Variants in FANCB observed in about 807,000 individuals in gnomAD.
FANCB encodes Fanconi anemia group B protein.
FANCB carries 5 observed loss-of-function variants against 38.9 expected under a neutral mutation model. The ratio of observed to expected loss-of-function variants is 0.13; its 90% confidence interval spans 0.07 to 0.27. FANCB has a LOEUF of 0.27. FANCB is among the 10% of genes least tolerant of loss of function. The pLI, the probability that FANCB is intolerant of heterozygous loss-of-function variation, is 1.00. For missense variants in FANCB, 573 were observed against 602.7 expected (o/e 0.95, Z 0.52); for synonymous variants, 236 against 215.4 (o/e 1.10, Z -0.84).
At chrX:14,741,350 C>A in the FANCB span, among the ~76,000 whole-genome samples, 5 of 111,569 alleles carry the variant, frequency 4.5e-5, no homozygotes, top group Non-Finnish European at 9.4e-5. Context: ...TGGATTGAGT[C>A]ACTGTAGTTT....
At chrX:14,718,986 T>C in the FANCB span, among the ~76,000 whole-genome samples, 1 of 111,819 alleles carries the variant, frequency 8.9e-6, no homozygotes, top group Non-Finnish European at 1.9e-5. Context: ...ACCATGTGAA[T>C]GGGACATATT....
chrX:14,768,506 A>T, the FANCB span, among the ~76,000 whole-genome samples: 1 of 111,878 alleles, frequency 8.9e-6, no homozygotes, highest in Admixed American at 9.5e-5. Flanking sequence ...TTGCACATTG[A>T]CTTTATATCT....
At chrX:14,797,691 AAGAG>A in the FANCB span, among the ~76,000 whole-genome samples, 96 of 103,320 alleles carry the variant, frequency 9.3e-4, no homozygotes, top group East Asian at 3.3e-3. Flanking sequence ...AAAAAAAAAA[AAGAG>A]AGAGAGAGAG....
chrX:14,852,187 A>G (rs1256560556), intron 6 of FANCB, among the ~76,000 whole-genome samples: 4 of 100,189 alleles, frequency 4.0e-5, no homozygotes, highest in African/African-American at 1.5e-4. Context: ...TTTTTTTTTG[A>G]GACGGAGTTT....
the FANCB span, among the ~76,000 whole-genome samples, chrX:14,695,205 C>T: frequency 9.0e-6 from 1 of 111,082 alleles, no homozygotes; most frequent in Non-Finnish European, 1.9e-5. Flanking sequence ...TTTAGAAAGC[C>T]TATCTAGAGT....
chrX:14,711,927 T>C, the FANCB span, among the ~76,000 whole-genome samples: 2 of 112,728 alleles, frequency 1.8e-5, no homozygotes, highest in African/African-American at 6.4e-5. Flanking sequence ...TTATTTAAGC[T>C]ACTATGAGTG....
intron 9 of FANCB, among the ~76,000 whole-genome samples, chrX:14,844,264 G>GT (rs1265473521): frequency 1.3e-4 from 14 of 110,706 alleles, no homozygotes; most frequent in South Asian, 7.7e-4. Context: ...TGGAGGAGAG[G>GT]TAACGGGAAA....
the FANCB span, among the ~76,000 whole-genome samples, chrX:14,708,649 A>C: frequency 8.9e-6 from 1 of 111,823 alleles, no homozygotes; most frequent in Non-Finnish European, 1.9e-5. Context: ...GAAAAGAGAG[A>C]CATCAGGCCA....
At chrX:14,828,687 A>G in the FANCB span, among the ~76,000 whole-genome samples, 1 of 111,363 alleles carries the variant, frequency 9.0e-6, no homozygotes, top group Non-Finnish European at 1.9e-5. Flanking sequence ...GCTGGAGTCA[A>G]CTTTTCCCAA....
chrX:14,753,223 C>A, the FANCB span, among the ~76,000 whole-genome samples: 1 of 111,496 alleles, frequency 9.0e-6, no homozygotes, highest in East Asian at 2.8e-4. Flanking sequence ...CAGCAATGTC[C>A]TTTAAAGCAT....
the FANCB span, among the ~76,000 whole-genome samples, chrX:14,710,188 G>A: frequency 2.7e-5 from 3 of 111,925 alleles, no homozygotes; most frequent in Admixed American, 9.5e-5. Context: ...TAGTGATTGA[G>A]TTCTCAGTTC....
At chrX:14,796,661 T>TACAC in the FANCB span, among the ~76,000 whole-genome samples, 299 of 87,530 alleles carry the variant, frequency 3.4e-3, 1 homozygote, top group East Asian at 9.2e-3. Flanking sequence ...AGTGCATATA[T>TACAC]ACACACACAC....
the FANCB span, among the ~76,000 whole-genome samples, chrX:14,821,318 G>A: frequency 1.8e-5 from 2 of 111,791 alleles, no homozygotes; most frequent in African/African-American, 6.5e-5. Context: ...CAGTTCAGTA[G>A]TGGATTATGT....
the FANCB span, among the ~76,000 whole-genome samples, chrX:14,761,797 T>C: frequency 9.0e-6 from 1 of 111,462 alleles, no homozygotes. Flanking sequence ...AGAAAAGTGA[T>C]CATAATTTTG....
At chrX:14,764,610 A>C in the FANCB span, among the ~76,000 whole-genome samples, 10 of 111,429 alleles carry the variant, frequency 9.0e-5, no homozygotes, top group Non-Finnish European at 1.5e-4. Context: ...AGGATATTAT[A>C]CAAGGGCATA....
the FANCB span, among the ~76,000 whole-genome samples, chrX:14,803,802 C>T: frequency 1.8e-5 from 2 of 111,119 alleles, no homozygotes; most frequent in Non-Finnish European, 1.9e-5. Context: ...AAACACACAA[C>T]CCCATCAAAA....
At chrX:14,835,096 G>A, downstream of FANCB, 3 of 546,981 alleles carry the variant, frequency 5.5e-6, no homozygotes, top group Non-Finnish European at 9.9e-6. Context: ...AAAGTTGCCA[G>A]TGTTAACTTT....
chrX:14,867,433 C>T (rs2092474432), intron 2 of FANCB, among the ~76,000 whole-genome samples: 1 of 110,606 alleles, frequency 9.0e-6, no homozygotes, highest in Admixed American at 9.6e-5. Context: ...AATTCATGCA[C>T]CAACAACCAA....
the FANCB span, among the ~76,000 whole-genome samples, chrX:14,738,813 T>C: frequency 8.9e-6 from 1 of 112,081 alleles, no homozygotes; most frequent in Non-Finnish European, 1.9e-5. Flanking sequence ...TCCTCATCTA[T>C]GCCACTGAAC....
Sources: gnomAD v4.1 joint callset for allele counts (sites outside exome capture counted in the v4.1 genomes callset) on GRCh38, gnomAD v4.1.1 for gene constraint, MANE v1.5 for transcripts, NCBI Gene and HGNC (gene_info 2026-07-23, HGNC 2026-07-21) for gene names.